GPR158: variants seen among roughly 807,000 people sequenced by gnomAD.
GPR158 encodes the protein G protein-coupled receptor 158, also known as metabotropic glycine receptor.
In GPR158, 30 loss-of-function variants were observed where a neutral mutation model predicts 78.2. The observed-to-expected ratio is 0.38, with a 90% CI of 0.29 to 0.52. GPR158 has a LOEUF of 0.52. Among genes scored for constraint, GPR158 ranks in the 20% least tolerant of loss-of-function variants. The probability of loss-of-function intolerance (pLI) is 0.83; values close to 1 mark genes in which losing one functional copy is unlikely to be tolerated. For synonymous variants in GPR158, 581 were observed against 591.1 expected, an observed-to-expected ratio of 0.98 and a Z score of 0.25; for missense variants, 1,463 against 1,523.5, an observed-to-expected ratio of 0.96 and a Z score of 0.66.
chr10:25,373,587 T>A (rs1564437002), intron 2 of GPR158, among the ~76,000 whole-genome samples: 1 of 151,920 alleles, frequency 6.6e-6, no homozygotes, highest in Admixed American at 6.6e-5. Flanking sequence ...AAGCACAGAT[T>A]TAGGTGCACT....
rs372129293 is a variant in GPR158 at position 25,426,242 on chromosome 10, T to C, written c.1335+13769T>C. ...GAATGTTGTGGCTGCATTAATCTGCTATCCAGACCACTCAAACTTTCTCCA... is the reference window on the plus strand; with the variant it reads ...GAATGTTGTGGCTGCATTAATCTGCCATCCAGACCACTCAAACTTTCTCCA... On this transcript the variant is annotated intron_variant, in intron 4 of 10. Transcript: ENST00000376351. Among the ~76,000 whole-genome samples the C allele has an allele frequency of 7.9e-5, 12 of 152,288 alleles. No individual in the cohort carries two copies. In the South Asian group the frequency reaches 2.3e-3, roughly 29 times the overall value.
At chr10:25,186,162 C>G (rs141498903) in intron 1 of GPR158, among the ~76,000 whole-genome samples, 2,159 of 152,264 alleles carry the variant, frequency 0.014, 54 homozygotes, top group African/African-American at 0.05. Flanking sequence ...TAAAGATGTT[C>G]TTTGAAACAA....
chr10:25,485,294 G>A (rs1026534597), intron 5 of GPR158, among the ~76,000 whole-genome samples: 2 of 151,548 alleles, frequency 1.3e-5, no homozygotes, highest in African/African-American at 4.9e-5. Context: ...TAAGTGTCAA[G>A]GGCTACATAA....
intron 2 of GPR158, among the ~76,000 whole-genome samples, chr10:25,337,426 CT>C (rs1192093065): frequency 1.3e-5 from 2 of 152,076 alleles, no homozygotes; most frequent in East Asian, 3.9e-4. Context: ...TTGTGTCTGG[CT>C]TTTTTTGCGT....
intron 2 of GPR158, among the ~76,000 whole-genome samples, chr10:25,356,705 T>C (rs899964047): frequency 1.3e-5 from 2 of 152,144 alleles, no homozygotes; most frequent in African/African-American, 4.8e-5. Context: ...TCCGCAGCCA[T>C]GTGAAACTGT....
intron 2 of GPR158, among the ~76,000 whole-genome samples, chr10:25,323,661 G>A (rs948966827): frequency 7.3e-5 from 11 of 151,276 alleles, no homozygotes; most frequent in African/African-American, 2.7e-4. Flanking sequence ...CTGTAGGTGT[G>A]CACCACTGTG....
At chr10:25,588,677 TA>T (rs1202265604) in intron 7 of GPR158, among the ~76,000 whole-genome samples, 1 of 152,218 alleles carries the variant, frequency 6.6e-6, no homozygotes, top group Non-Finnish European at 1.5e-5. Context: ...ACGAGCATCC[TA>T]AACTTAGGTT....
chr10:25,396,153 T>G (rs1309250116), intron 3 of GPR158, 140 bp downstream of exon 3: 6 of 507,992 alleles, frequency 1.2e-5, no homozygotes, highest in Non-Finnish European at 2.1e-5. Flanking sequence ...TAAGGAGTTT[T>G]AGTTTTAGTT....
At chr10:25,327,513 C>G (rs192336848) in intron 2 of GPR158, among the ~76,000 whole-genome samples, 1 of 152,056 alleles carries the variant, frequency 6.6e-6, no homozygotes, top group South Asian at 2.1e-4. Flanking sequence ...GCTGTGTTCT[C>G]TCCCATTTTG....
At chr10:25,536,169 T>G (rs2130698496) in intron 5 of GPR158, among the ~76,000 whole-genome samples, 1 of 152,308 alleles carries the variant, frequency 6.6e-6, no homozygotes, top group South Asian at 2.1e-4. Flanking sequence ...ATATTTGTAT[T>G]ATTTTACAAA....
intron 2 of GPR158, among the ~76,000 whole-genome samples, chr10:25,369,174 A>C (rs1245151288): frequency 6.6e-6 from 1 of 150,782 alleles, no homozygotes; most frequent in African/African-American, 2.4e-5. Flanking sequence ...TCTCCTGCCT[A>C]ATTGCCCTGG....
At chr10:25,397,891 T>A (rs532613822) in intron 3 of GPR158, among the ~76,000 whole-genome samples, 1 of 152,148 alleles carries the variant, frequency 6.6e-6, no homozygotes, top group Non-Finnish European at 1.5e-5. Context: ...TATCTAAGAC[T>A]CCATCATAGC....
Position 25,241,311 on chromosome 10 carries a change from T to TTTCTCTTCTCTTCTCTTCTC in GPR158, c.1008+20162_1008+20181dup, listed in dbSNP as rs760852108. On this transcript the variant is annotated intron_variant, in intron 2 of 10. Coordinates refer to ENST00000376351, the MANE Select transcript of GPR158 (RefSeq NM_020752.3). ...TTTCTTTTCTTTTCTTTTCTTTTCT[T>TTTCTCTTCTCTTCTCTTCTC]TTCTCTTCTCTTCTCTTCTCTTCTC... Among the ~76,000 whole-genome samples, 82 of 104,574 alleles carry TTTCTCTTCTCTTCTCTTCTC rather than the reference T, an allele frequency of 7.8e-4. 5 individuals carry two copies. Among genetic ancestry groups the TTTCTCTTCTCTTCTCTTCTC allele is most frequent in the African/African-American group, 3.1e-3 (71 of 22,812 alleles). The allele number at this position is 104,574 out of a possible 152,430, so 68.6% of individuals were successfully genotyped here.
At chr10:25,195,047 C>T (rs973459676) in intron 1 of GPR158, among the ~76,000 whole-genome samples, 6 of 151,912 alleles carry the variant, frequency 3.9e-5, no homozygotes, top group Admixed American at 6.6e-5. Context: ...AAGTCCAGAT[C>T]TTTTTCTAGA....
intron 4 of GPR158, among the ~76,000 whole-genome samples, chr10:25,416,193 G>C (rs1834657827): frequency 1.3e-5 from 2 of 152,066 alleles, no homozygotes; most frequent in African/African-American, 4.8e-5. Flanking sequence ...ATTCATGTAT[G>C]CTTCCCACAT....
At chr10:25,219,695 G>A (rs1247000482) in intron 1 of GPR158, among the ~76,000 whole-genome samples, 1 of 152,144 alleles carries the variant, frequency 6.6e-6, no homozygotes, top group Non-Finnish European at 1.5e-5. Context: ...GAGGCAGACT[G>A]AAAAAATAAA....
intron 2 of GPR158, among the ~76,000 whole-genome samples, chr10:25,343,537 G>C (rs1232315409): frequency 6.6e-6 from 1 of 151,920 alleles, no homozygotes; most frequent in Non-Finnish European, 1.5e-5. Flanking sequence ...TAAAATCCTA[G>C]AGTTGGTGAT....
At chr10:25,360,155 C>T (rs1245789608) in intron 2 of GPR158, among the ~76,000 whole-genome samples, 3 of 151,976 alleles carry the variant, frequency 2.0e-5, no homozygotes, top group East Asian at 1.9e-4. Context: ...GGATATTAGC[C>T]CTTTGTCAGA....
intron 4 of GPR158, among the ~76,000 whole-genome samples, chr10:25,427,769 GA>G (rs1413598101): frequency 6.6e-6 from 1 of 151,876 alleles, no homozygotes; most frequent in Non-Finnish European, 1.5e-5. Flanking sequence ...GCGGACTTTG[GA>G]TTGAATTTAC....
Sources: gnomAD v4.1 joint callset for allele counts (sites outside exome capture counted in the v4.1 genomes callset) on GRCh38, gnomAD v4.1.1 for gene constraint, MANE v1.5 for transcripts, NCBI Gene and HGNC (gene_info 2026-07-23, HGNC 2026-07-21) for gene names.